Variants in KCNQ4 observed in about 807,000 individuals in gnomAD.
The protein encoded by KCNQ4 is potassium voltage-gated channel subfamily Q member 4.
A neutral mutation model predicts 72.6 loss-of-function variants in KCNQ4; 31 were observed. That is an observed-to-expected ratio of 0.43 (90% CI 0.32 to 0.58). KCNQ4 has a LOEUF of 0.58. Among genes scored for constraint, KCNQ4 ranks in the 20% least tolerant of loss-of-function variants. The probability of loss-of-function intolerance (pLI) is 0.08; values close to 1 mark genes in which losing one functional copy is unlikely to be tolerated. For missense variants in KCNQ4, 869 were observed against 962.6 expected (o/e 0.90, Z 1.29); for synonymous variants, 405 against 403.7 (o/e 1.00, Z -0.04).
In KCNQ4 at chr1:40,820,198, C is replaced by G; in HGVS notation, c.979C>G (p.Gln327Glu). The G allele has an allele frequency of 6.2e-7, 1 of 1,610,754 alleles. No homozygotes were observed. Among genetic ancestry groups the G allele is most frequent in the Non-Finnish European group, 8.5e-7 (1 of 1,178,604 alleles). ...AGGCTCCGGCTTTGCCCTGAAGGTC[C>G]AGGAGCAGCACCGGCAGAAGCACTT... ...ILGSGFALKV[Q>E]EQHRQKHFEK... is the part of the protein sequence containing the mutation. Residue 327 changes from glutamine to glutamate, a missense_variant, in exon 7 of 14, where the codon CAG becomes GAG. Gln to Glu is a conservative substitution (Grantham distance 29, BLOSUM62 2). This residue lies in a region of KCNQ4 where 19 missense variants were observed against 26.4 expected (regional missense o/e 0.72). Coordinates refer to ENST00000347132, the MANE Select transcript of KCNQ4 (RefSeq NM_004700.4).
intron 11 of KCNQ4, 27 bp downstream of exon 11, chr1:40,833,140 C>A: frequency 6.4e-7 from 1 of 1,554,900 alleles, no homozygotes; most frequent in Non-Finnish European, 8.8e-7. Flanking sequence ...AGGCGAGCAC[C>A]CCCCTCCGTG....
chr1:40,800,545 AC>A (rs1441397099), intron 1 of KCNQ4, among the ~76,000 whole-genome samples: 1 of 152,074 alleles, frequency 6.6e-6, no homozygotes, highest in African/African-American at 2.4e-5. Context: ...CCTTCCACCC[AC>A]CCACCTACCT....
rs1333561378 is a variant in KCNQ4 at position 40,831,143 on chromosome 1, C to T, written c.1352C>T (p.Pro451Leu). The T allele has an allele frequency of 3.1e-6, 5 of 1,610,982 alleles. No individual in the cohort carries two copies. The highest frequency in any genetic ancestry group is 4.2e-6 in the Non-Finnish European group (5 of 1,178,958). ...RMGSSQRRTG[P>L]SKQHLAPPTM... ...GGCAGCTCCCAGCGGCGGACGGGTC[C>T]TTCCAAGCAGCATCTGGCACCTCCA... Residue 451 changes from proline to leucine, a missense_variant, in exon 10 of 14, where the codon CCT (proline) becomes CTT (leucine). This residue lies in a region of KCNQ4 where 480 missense variants were observed against 501.9 expected (regional missense o/e 0.96). Coordinates refer to ENST00000347132, the MANE Select transcript of KCNQ4 (RefSeq NM_004700.4).
intron 7 of KCNQ4, 24 bp from the exon 8 acceptor site, chr1:40,822,289 TC>T (rs1364279469): frequency 6.3e-7 from 1 of 1,596,924 alleles, no homozygotes; most frequent in East Asian, 2.2e-5. Flanking sequence ...TGATGCCCCA[TC>T]CCCCACGTCC....
At position 40,838,889 on chromosome 1, in the gene KCNQ4, T is replaced by A; in HGVS notation, c.*366T>A. On this transcript the variant is annotated 3_prime_UTR_variant, in exon 14 of 14. Coordinates refer to ENST00000347132, the MANE Select transcript of KCNQ4 (RefSeq NM_004700.4). ...TGGGCCCTGACCCAGCTTCCAGCTA[T>A]GCAAGGTGAGGTCTCTGGCCCACCC... 1 of 375,890 alleles carries A rather than the reference T, an allele frequency of 2.7e-6. No homozygotes were observed. The highest frequency in any genetic ancestry group is 5.1e-6 in the Non-Finnish European group (1 of 197,622). 23.3% of individuals were successfully genotyped at this position (375,890 alleles called of 1,614,324 possible).
intron 1 of KCNQ4, among the ~76,000 whole-genome samples, chr1:40,808,482 A>G (rs1184561922): frequency 6.6e-6 from 1 of 151,598 alleles, no homozygotes; most frequent in Non-Finnish European, 1.5e-5. Context: ...CTTTTCTCCC[A>G]CCTTCCTCTC....
At position 40,817,461 on chromosome 1, in the gene KCNQ4, G is replaced by A. The variant is rs180740847; in HGVS notation, c.405+106G>A. 2.0e-4 allele frequency: 158 copies of A among 780,750 alleles called. No homozygotes were observed. The African/African-American group carries it at 2.4e-3, about 12-fold the overall frequency. The allele number at this position is 780,750 out of a possible 1,614,324, so 48.4% of individuals were successfully genotyped here. A position where few individuals can be genotyped will look rare whatever the true frequency, so the allele number is the denominator to read the frequency against. On this transcript the variant is annotated intron_variant, in intron 2 of 13. Transcript: ENST00000347132. The surrounding 1 kb of genome is among the most constrained non-coding windows in gnomAD (Gnocchi z 5.5). ...GTGTGAGGTAGCACCTCTGGGCTGG[G>A]AGTCCGGGACTGAAGGGGGCTGTGT...
chr1:40,815,172 G>A (rs188274508), intron 1 of KCNQ4, among the ~76,000 whole-genome samples: 2 of 149,782 alleles, frequency 1.3e-5, no homozygotes, highest in East Asian at 2.0e-4. Context: ...CCCGGGAGGC[G>A]GAGGTTGCAG....
At position 40,817,393 on chromosome 1, in the gene KCNQ4, G is replaced by C. The variant is rs1648126535; in HGVS notation, c.405+38G>C. 2 of 1,539,814 alleles carry C rather than the reference G, an allele frequency of 1.3e-6. No individual in the cohort carries two copies. Among genetic ancestry groups the C allele is most frequent in the Non-Finnish European group, 9.0e-7 (1 of 1,116,880 alleles). On this transcript the variant is annotated intron_variant, in intron 2 of 13. Coordinates refer to ENST00000347132, the MANE Select transcript of KCNQ4 (RefSeq NM_004700.4). The surrounding 1 kb of genome is among the most constrained non-coding windows in gnomAD (Gnocchi z 5.5). ...AGTCCGGGACTGAGGGGGGCTGTGT[G>C]AGGTAGCACCTCTGGGCTGGGAGTC...
chr1:40,817,237 A>C lies in KCNQ4; in HGVS notation c.315-28A>C. On this transcript the variant is annotated intron_variant, in intron 1 of 13. Transcript: ENST00000347132. This position sits in a 1 kb window ranked among gnomAD's most constrained non-coding sequence, Gnocchi z 5.5. Reference sequence around the variant, plus strand: ...GGCTGTCCTGTCCCTCCAACAATCTAACCCTCTCCCTCATGTTGTAATTGC... The same window carrying C: ...GGCTGTCCTGTCCCTCCAACAATCTCACCCTCTCCCTCATGTTGTAATTGC... The C allele has an allele frequency of 1.0e-5, 16 of 1,545,458 alleles. No individual in the cohort carries two copies. The highest frequency in any genetic ancestry group is 1.3e-5 in the Non-Finnish European group (15 of 1,118,652).
intron 1 of KCNQ4, among the ~76,000 whole-genome samples, chr1:40,791,441 G>C (rs1036115761): frequency 5.3e-5 from 8 of 152,192 alleles, no homozygotes; most frequent in Non-Finnish European, 7.3e-5. Flanking sequence ...GCTGGAGAAA[G>C]GGTGCTGAGC....
chr1:40,797,778 G>A (rs1028289225), intron 1 of KCNQ4, among the ~76,000 whole-genome samples: 9 of 152,076 alleles, frequency 5.9e-5, no homozygotes, highest in Non-Finnish European at 8.8e-5. Context: ...AACCTGACCC[G>A]GAGCCCTAGG....
rs1648770478 is a variant in KCNQ4 at position 40,835,048 on chromosome 1, C to T, written c.1695C>T (p.Tyr565=). Residue 565 remains tyrosine (Y), a synonymous_variant, in exon 12 of 14, where the codon TAC becomes TAT. Transcript: ENST00000347132. ...PYDVKDVIEQ[Y]SAGHLDMLGR... is the part of the protein sequence containing the mutation. ...ACGTGAAGGACGTCATTGAGCAGTACTCAGCAGGCCACCTGGACATGCTGG... is the reference window on the plus strand; with the variant it reads ...ACGTGAAGGACGTCATTGAGCAGTATTCAGCAGGCCACCTGGACATGCTGG... The T allele has an allele frequency of 5.0e-6, 8 of 1,614,004 alleles. No individual in the cohort carries two copies. The South Asian group carries it at 5.5e-5, about 11-fold the overall frequency.
At chr1:40,796,947 T>TAAAA (rs1394444970) in intron 1 of KCNQ4, among the ~76,000 whole-genome samples, 12 of 149,780 alleles carry the variant, frequency 8.0e-5, no homozygotes, top group African/African-American at 2.9e-4. Context: ...AATAAATAAA[T>TAAAA]AAATACAGTT....
In KCNQ4 at chr1:40,832,314, G is replaced by A. The variant is rs564657210; in HGVS notation, c.1514-700G>A. The stretch of plus-strand genomic sequence containing the variant: ...CTGCCTGTGCTGTGTCAGCCCTCAA[G>A]ATGCTGCTGGCTGACACCTCAGAGT... On this transcript the variant is annotated intron_variant, in intron 10 of 13. Transcript: ENST00000347132. 7.2e-5 allele frequency among the ~76,000 whole-genome samples: 11 copies of A among 152,320 alleles called. No individual in the cohort carries two copies. In the South Asian group the frequency reaches 2.3e-3, roughly 32 times the overall value.
chr1:40,833,134 G>A (rs1201865538), intron 11 of KCNQ4, 21 bp downstream of exon 11: 17 of 1,578,900 alleles, frequency 1.1e-5, no homozygotes, highest in Non-Finnish European at 1.2e-5. Context: ...GGCCTGAGGC[G>A]AGCACCCCCC....
At position 40,817,406 on chromosome 1, in the gene KCNQ4, T is replaced by TG; in HGVS notation, c.405+54dup. On this transcript the variant is annotated intron_variant, in intron 2 of 13. Coordinates refer to ENST00000347132, the MANE Select transcript of KCNQ4 (RefSeq NM_004700.4). This position sits in a 1 kb window ranked among gnomAD's most constrained non-coding sequence, Gnocchi z 5.5. ...GGGGGGCTGTGTGAGGTAGCACCTC[T>TG]GGGCTGGGAGTCCGGGACTGAGGGG... 1 of 1,451,320 alleles carries TG rather than the reference T, an allele frequency of 6.9e-7. No individual in the cohort carries two copies. Among genetic ancestry groups the TG allele is most frequent in the Non-Finnish European group, 9.6e-7 (1 of 1,042,624 alleles). 89.9% of individuals were successfully genotyped at this position (1,451,320 alleles called of 1,614,324 possible). A position where few individuals can be genotyped will look rare whatever the true frequency, so the allele number is the denominator to read the frequency against.
At position 40,825,545 on chromosome 1, in the gene KCNQ4, C is replaced by T. The variant is rs187468931; in HGVS notation, c.1292+1287C>T. 6.6e-5 allele frequency among the ~76,000 whole-genome samples: 10 copies of T among 151,594 alleles called. No individual in the cohort carries two copies. In the East Asian group the frequency reaches 1.9e-3, roughly 29 times the overall value. Reference sequence around the variant, plus strand: ...GGGCACTTCTGGGCCAGGGGCTGAACAGGAAGTGGGTGGAGAGGGAGAGTC... The same window carrying T: ...GGGCACTTCTGGGCCAGGGGCTGAATAGGAAGTGGGTGGAGAGGGAGAGTC... On this transcript the variant is annotated intron_variant, in intron 9 of 13. Coordinates refer to ENST00000347132, the MANE Select transcript of KCNQ4 (RefSeq NM_004700.4).
At chr1:40,829,857 G>A (rs184902955) in intron 9 of KCNQ4, among the ~76,000 whole-genome samples, 1 of 152,304 alleles carries the variant, frequency 6.6e-6, no homozygotes, top group East Asian at 1.9e-4. Flanking sequence ...GGCATGGGAT[G>A]GAGGACATTT....
Sources: gnomAD v4.1 joint callset for allele counts (sites outside exome capture counted in the v4.1 genomes callset) on GRCh38, gnomAD v4.1.1 for gene constraint, gnomAD v4.1.1 regional missense constraint, Gnocchi (gnomAD v3.1) non-coding constraint, MANE v1.5 for transcripts, NCBI Gene and HGNC (gene_info 2026-07-23, HGNC 2026-07-21) for gene names.